ACTL6A: variants seen among roughly 807,000 people sequenced by gnomAD.
ACTL6A encodes actin like 6A, also known as actin-like protein 6A.
A neutral mutation model predicts 59.2 loss-of-function variants in ACTL6A; 5 were observed. That is an observed-to-expected ratio of 0.08 (90% CI 0.04 to 0.18). The LOEUF is 0.18. Ranked by LOEUF, ACTL6A falls within the 10% of genes least tolerant of loss-of-function variation. The probability of loss-of-function intolerance (pLI) is 1.00; values close to 1 mark genes in which losing one functional copy is unlikely to be tolerated. For synonymous variants in ACTL6A, 154 were observed against 171.8 expected (o/e 0.90, Z 0.81); for missense variants, 285 against 526.9 (o/e 0.54, Z 4.49).
intron 1 of ACTL6A, among the ~76,000 whole-genome samples, chr3:179,569,308 C>G (rs1285845695): frequency 1.3e-5 from 2 of 152,150 alleles, no homozygotes; most frequent in African/African-American, 4.8e-5. Context: ...GGCAATGGAT[C>G]CATTATTATT....
chr3:179,587,482 T>G (rs1429917041), intron 13 of ACTL6A, among the ~76,000 whole-genome samples: 1 of 152,068 alleles, frequency 6.6e-6, no homozygotes, highest in African/African-American at 2.4e-5. Context: ...AATAGTGTGT[T>G]TGGATGGTTC....
chr3:179,575,800 T>C lies in ACTL6A; in HGVS notation c.477-417T>C, dbSNP rs565723725. On this transcript the variant is annotated intron_variant, in intron 5 of 13. Transcript: ENST00000429709. ...CTGAAACAGCTCTTTTTCAATGCTATGTGAGAATGGTTATAGTCCCTAGCT... is the reference window on the plus strand; with the variant it reads ...CTGAAACAGCTCTTTTTCAATGCTACGTGAGAATGGTTATAGTCCCTAGCT... 2.0e-5 allele frequency among the ~76,000 whole-genome samples: 3 copies of C among 152,364 alleles called. No individual in the cohort carries two copies. In the East Asian group the frequency reaches 5.8e-4, roughly 29 times the overall value.
Position 179,576,924 on chromosome 3 carries a change from C to G in ACTL6A, c.768+11C>G. 3 of 1,597,724 alleles carry G rather than the reference C, an allele frequency of 1.9e-6. No individual in the cohort carries two copies. The highest frequency in any genetic ancestry group is 3.5e-4 in the Middle Eastern group (2 of 5,796). On this transcript the variant is annotated intron_variant, in intron 8 of 13. Coordinates refer to ENST00000429709, the MANE Select transcript of ACTL6A (RefSeq NM_004301.5). Reference sequence around the variant, plus strand: ...AATTATATGTGTAATGTAAGTAACCCTCATTCTCTTTACAAAAATGTTACA... The same window carrying G: ...AATTATATGTGTAATGTAAGTAACCGTCATTCTCTTTACAAAAATGTTACA...
At chr3:179,573,718 G>A (rs1718085503) in intron 4 of ACTL6A, among the ~76,000 whole-genome samples, 1 of 152,070 alleles carries the variant, frequency 6.6e-6, no homozygotes, top group Non-Finnish European at 1.5e-5. Flanking sequence ...GGTTATTTAT[G>A]TATTTCTAGG....
chr3:179,579,163 C>G (rs911651962), intron 8 of ACTL6A, among the ~76,000 whole-genome samples: 13 of 152,072 alleles, frequency 8.5e-5, no homozygotes, highest in African/African-American at 3.1e-4. Flanking sequence ...TTTTCATATG[C>G]TGTTGGCCGC....
At chr3:179,566,782 C>T (rs1198346667) in intron 1 of ACTL6A, among the ~76,000 whole-genome samples, 1 of 152,080 alleles carries the variant, frequency 6.6e-6, no homozygotes, top group Non-Finnish European at 1.5e-5. Flanking sequence ...CTCCGCCTGC[C>T]GGGTTCAAGC....
chr3:179,576,981 A>G (rs1371970738), intron 8 of ACTL6A, 68 bp downstream of exon 8: 26 of 1,277,570 alleles, frequency 2.0e-5, no homozygotes, highest in Non-Finnish European at 2.6e-5. Context: ...AAAAAGTTAT[A>G]TATAGGCTGT....
chr3:179,570,354 T>C lies in ACTL6A; in HGVS notation c.277+113T>C, dbSNP rs1717968244. 4.0e-6 allele frequency: 4 copies of C among 1,001,758 alleles called. No homozygotes were observed. The highest frequency in any genetic ancestry group is 5.6e-6 in the Non-Finnish European group (4 of 716,932). 62.1% of individuals were successfully genotyped at this position (1,001,758 alleles called of 1,614,324 possible). On this transcript the variant is annotated intron_variant, in intron 3 of 13. Coordinates refer to ENST00000429709, the MANE Select transcript of ACTL6A (RefSeq NM_004301.5). This position sits in a 1 kb window ranked among gnomAD's most constrained non-coding sequence, Gnocchi z 4.3. ...AACCATGGTTTTTTGTTTTGTTTTG[T>C]TTTTTATTCCACAAACTGATTTCCA...
At chr3:179,576,185 G>C (rs1411103654) in intron 5 of ACTL6A, 32 bp from the exon 6 acceptor site, 20 of 1,518,718 alleles carry the variant, frequency 1.3e-5, no homozygotes, top group Non-Finnish European at 1.7e-5. Context: ...TAGCGGCCTT[G>C]ATACTTTCTT....
intron 1 of ACTL6A, among the ~76,000 whole-genome samples, chr3:179,566,701 T>G (rs1432268921): frequency 6.6e-6 from 1 of 152,158 alleles, no homozygotes; most frequent in Non-Finnish European, 1.5e-5. Context: ...TTGTTGTTGT[T>G]GTTTTTGAGA....
rs2108356264 is a variant in ACTL6A at position 179,569,747 on chromosome 3, T to G, written c.26-77T>G. Reference sequence around the variant, plus strand: ...GGGAGGATTGCTTGAGCCTAGGAGGTTGAGGCTGCAGTGAGCTGTGATTTT... The same window carrying G: ...GGGAGGATTGCTTGAGCCTAGGAGGGTGAGGCTGCAGTGAGCTGTGATTTT... On this transcript the variant is annotated intron_variant, in intron 1 of 13. Transcript: ENST00000429709. The G allele has an allele frequency of 4.8e-6, 6 of 1,241,212 alleles. No homozygotes were observed. In the South Asian group the frequency reaches 7.3e-5, roughly 15 times the overall value. 76.9% of individuals were successfully genotyped at this position (1,241,212 alleles called of 1,614,324 possible).
intron 1 of ACTL6A, among the ~76,000 whole-genome samples, chr3:179,564,847 T>G (rs1384086230): frequency 6.6e-6 from 1 of 152,064 alleles, no homozygotes; most frequent in Non-Finnish European, 1.5e-5. Context: ...TCGTTGTACA[T>G]TTTTTCCCAC....
At chr3:179,565,699 T>C (rs898594151) in intron 1 of ACTL6A, among the ~76,000 whole-genome samples, 1 of 152,024 alleles carries the variant, frequency 6.6e-6, no homozygotes, top group Non-Finnish European at 1.5e-5. Flanking sequence ...TAAGTTAGTG[T>C]ATGAGGCAGG....
chr3:179,587,421 T>C (rs1461132086), intron 13 of ACTL6A, among the ~76,000 whole-genome samples: 5 of 152,122 alleles, frequency 3.3e-5, no homozygotes, highest in Non-Finnish European at 1.5e-5. Context: ...CCTGACAATG[T>C]AACAGATACA....
Position 179,570,350 on chromosome 3 carries a change from T to G in ACTL6A, c.277+109T>G. The G allele has an allele frequency of 2.8e-6, 3 of 1,079,274 alleles. No homozygotes were observed. Among genetic ancestry groups the G allele is most frequent in the Non-Finnish European group, 3.8e-6 (3 of 785,488 alleles). 66.9% of individuals were successfully genotyped at this position (1,079,274 alleles called of 1,614,324 possible). A position where few individuals can be genotyped will look rare whatever the true frequency, so the allele number is the denominator to read the frequency against. On this transcript the variant is annotated intron_variant, in intron 3 of 13. Transcript: ENST00000429709. This position sits in a 1 kb window ranked among gnomAD's most constrained non-coding sequence, Gnocchi z 4.3. ...CATCAACCATGGTTTTTTGTTTTGT[T>G]TTGTTTTTTATTCCACAAACTGATT...
At chr3:179,568,145 C>T (rs1401487640) in intron 1 of ACTL6A, among the ~76,000 whole-genome samples, 1 of 144,560 alleles carries the variant, frequency 6.9e-6, no homozygotes, top group Non-Finnish European at 1.5e-5. Flanking sequence ...GCACTCCAGC[C>T]TGGGCAGCAA....
At chr3:179,565,555 T>C (rs912413151) in intron 1 of ACTL6A, among the ~76,000 whole-genome samples, 24 of 151,756 alleles carry the variant, frequency 1.6e-4, no homozygotes, top group African/African-American at 5.6e-4. Context: ...AGTTATTGAT[T>C]CCGTGTGGTG....
intron 1 of ACTL6A, 53 bp downstream of exon 1, chr3:179,563,170 G>A: frequency 6.4e-7 from 1 of 1,569,582 alleles, no homozygotes; most frequent in Non-Finnish European, 8.7e-7. Context: ...TGTGGGGTTT[G>A]TAACCGCCGC....
At position 179,576,203 on chromosome 3, in the gene ACTL6A, A is replaced by G. The variant is rs1718160985; in HGVS notation, c.477-14A>G. 6.2e-7 allele frequency: 1 copy of G among 1,602,822 alleles called. No homozygotes were observed. Among genetic ancestry groups the G allele is most frequent in the African/African-American group, 1.3e-5 (1 of 74,688 alleles). Reference sequence around the variant, plus strand: ...CGGCCTTGATACTTTCTTTTCCTTAATGTTTTAAACTAGATTTGCTAATGG... The same window carrying G: ...CGGCCTTGATACTTTCTTTTCCTTAGTGTTTTAAACTAGATTTGCTAATGG... On this transcript the variant is annotated splice_polypyrimidine_tract_variant and intron_variant, in intron 5 of 13. Transcript: ENST00000429709.
Sources: gnomAD v4.1 joint callset for allele counts (sites outside exome capture counted in the v4.1 genomes callset) on GRCh38, gnomAD v4.1.1 for gene constraint, Gnocchi (gnomAD v3.1) non-coding constraint, MANE v1.5 for transcripts, NCBI Gene and HGNC (gene_info 2026-07-23, HGNC 2026-07-21) for gene names.